The following TRIM21 variants were observed in gnomAD, a reference collection of about 807,000 sequenced individuals.
The protein encoded by TRIM21 is tripartite motif containing 21, also known as E3 ubiquitin-protein ligase TRIM21.
Under a neutral mutation model 36.1 loss-of-function variants are expected in TRIM21, and 35 were observed. The observed-to-expected ratio is 0.97, with a 90% confidence interval of 0.74 to 1.28. The LOEUF (loss-of-function observed/expected upper bound fraction) is 1.28, where lower values mean the gene tolerates loss of function less well. Among genes scored for constraint, TRIM21 ranks in the 50% most tolerant of loss-of-function variants. The pLI, the probability that TRIM21 is intolerant of heterozygous loss-of-function variation, is 0.00. For synonymous variants in TRIM21, 256 were observed against 211.5 expected, an observed-to-expected ratio of 1.21 and a Z score of -1.83; for missense variants, 635 against 570.7, an observed-to-expected ratio of 1.11 and a Z score of -1.15.
chr11:4,385,656 C>T lies in TRIM21; in HGVS notation c.1057G>A (p.Ala353Thr). 6.2e-7 allele frequency: 1 copy of T among 1,613,190 alleles called. No individual in the cohort carries two copies. Among genetic ancestry groups the T allele is most frequent in the Non-Finnish European group, 8.5e-7 (1 of 1,179,592 alleles). The part of the protein sequence containing the change: ...YWEVDVTGKE[A>T]WDLGVCRDSV... ...TCTCTGCAGACACCCAGGTCCCAGG[C>T]CTCCTTTCCTGTCACATCTACCTCC... The change falls in exon 7 of 7, where the codon GCC becomes ACC. Residue 353 changes from alanine to threonine, a missense_variant. Transcript: ENST00000254436.
chr11:4,390,276 T>G lies in TRIM21; in HGVS notation c.134A>C (p.Lys45Thr). 6.2e-7 allele frequency: 1 copy of G among 1,613,972 alleles called. No homozygotes were observed. Among genetic ancestry groups the G allele is most frequent in the East Asian group, 2.2e-5 (1 of 44,872 alleles). ...FCQECISQVGKGGGSVCPVCR... is the reference protein window; with the variant it reads ...FCQECISQVGTGGGSVCPVCR... Reference sequence around the variant, plus strand: ...CACAGGACAGACGCTGCCCCCACCTTTCCCAACCTGAGAGATGCATTCCTG... The same window carrying G: ...CACAGGACAGACGCTGCCCCCACCTGTCCCAACCTGAGAGATGCATTCCTG... The change falls in exon 2 of 7, where the codon AAA becomes ACA. Residue 45 changes from lysine to threonine, a missense_variant. Physicochemically the swap from Lys to Thr is moderately conservative, Grantham distance 78 (BLOSUM62 -1). Transcript: ENST00000254436.
At position 4,389,704 on chromosome 11, in the gene TRIM21, A is replaced by G. The variant is rs116087341; in HGVS notation, c.454T>C (p.Leu152=). 2,342 of 1,613,344 alleles carry G rather than the reference A, an allele frequency of 1.5e-3. 48 individuals are homozygous for G. The African/African-American group carries it at 0.028, about 19-fold the overall frequency. The change falls in exon 3 of 7, where the codon TTG becomes CTG. Residue 152 remains leucine, a synonymous_variant. Transcript: ENST00000254436. ...ATTTCCACTTCCAACTTCTCAGCCA[A>G]CTCCTGCTTTCTTCTCAGTTCCCCT... is the stretch of plus-strand genomic sequence containing the variant. The part of the protein sequence containing the change: ...ALGELRRKQE[L]AEKLEVEIAI...
Position 4,390,086 on chromosome 11 carries a change from C to T in TRIM21, c.324G>A (p.Lys108=). 1.2e-6 allele frequency: 2 copies of T among 1,614,020 alleles called. No individual in the cohort carries two copies. Among genetic ancestry groups the T allele is most frequent in the East Asian group, 2.2e-5 (1 of 44,878 alleles). ...ACTGGGCACATACCCAGCAAAGGGC[C>T]TTCCCATCTTTCTCACAGAACAGGT... ...RLHLFCEKDG[K]ALCWVCAQSR... is the part of the protein sequence containing the mutation. The change falls in exon 2 of 7, where the codon AAG becomes AAA. Residue 108 remains lysine (K), a synonymous_variant. Coordinates refer to ENST00000254436, the MANE Select transcript of TRIM21 (RefSeq NM_003141.4).
At position 4,388,470 on chromosome 11, in the gene TRIM21, G is replaced by A; in HGVS notation, c.565C>T (p.Leu189=). The A allele has an allele frequency of 6.2e-7, 1 of 1,613,316 alleles. No individual in the cohort carries two copies. Among genetic ancestry groups the A allele is most frequent in the Non-Finnish European group, 8.5e-7 (1 of 1,179,882 alleles). ...HAEFVQQKNF[L]VEEEQRQLQE... is the part of the protein sequence containing the mutation. ...AGCTGCCTCTGTTCTTCTTCAACCA[G>A]GAAGTTTTTTTGCTGCACAAACTCT... Residue 189 remains leucine, a synonymous_variant, in exon 4 of 7, where the codon CTG becomes TTG. Transcript: ENST00000254436.
intron 3 of TRIM21, 101 bp from the exon 4 acceptor site, chr11:4,388,631 T>A: frequency 2.7e-6 from 3 of 1,104,066 alleles, no homozygotes; most frequent in Non-Finnish European, 4.0e-6. Context: ...GAGACTCCAC[T>A]CTGTGCTGTC....
chr11:4,388,613 A>G (rs1292015718), intron 3 of TRIM21, 83 bp from the exon 4 acceptor site: 2 of 1,360,968 alleles, frequency 1.5e-6, no homozygotes, highest in East Asian at 2.3e-5. Flanking sequence ...ACCTATTCCT[A>G]TCCCCAAGAG....
At chr11:4,392,365 A>G (rs2094963967) in intron 1 of TRIM21, among the ~76,000 whole-genome samples, 1 of 152,124 alleles carries the variant, frequency 6.6e-6, no homozygotes, top group African/African-American at 2.4e-5. Context: ...TCAGGAGTTC[A>G]AGACCAGCCT....
In TRIM21 at chr11:4,388,146, G is replaced by A. The variant is rs149004015; in HGVS notation, c.735+154C>T. Among the ~76,000 whole-genome samples, 473 of 152,316 alleles carry A rather than the reference G, an allele frequency of 3.1e-3. 5 individuals carry two copies. Among genetic ancestry groups the A allele is most frequent in the African/African-American group, 0.011 (439 of 41,574 alleles). ...GTACTTATTTTCATCTTTACTTTGC[G>A]TCTTGAACGCGAACCTTTCATGGGT... is the stretch of plus-strand genomic sequence containing the variant. On this transcript the variant is annotated intron_variant, in intron 4 of 6. Transcript: ENST00000254436.
At chr11:4,386,064 T>A in intron 6 of TRIM21, 93 bp downstream of exon 6, 1 of 1,281,652 alleles carries the variant, frequency 7.8e-7, no homozygotes, top group Non-Finnish European at 1.1e-6. Context: ...TGCTCTGACC[T>A]GCCATCTCTC....
In TRIM21 at chr11:4,389,707, C is replaced by T. The variant is rs1218799840; in HGVS notation, c.451G>A (p.Glu151Lys). Residue 151 changes from glutamate (E) to lysine (K), a missense_variant, in exon 3 of 7, where the codon GAG becomes AAG. Glu to Lys is a moderately conservative substitution (Grantham distance 56, BLOSUM62 1). Coordinates refer to ENST00000254436, the MANE Select transcript of TRIM21 (RefSeq NM_003141.4). ...VALGELRRKQ[E>K]LAEKLEVEIA... ...TCCACTTCCAACTTCTCAGCCAACT[C>T]CTGCTTTCTTCTCAGTTCCCCTAAT... The T allele has an allele frequency of 6.2e-7, 1 of 1,613,876 alleles. No individual in the cohort carries two copies. The highest frequency in any genetic ancestry group is 1.3e-5 in the African/African-American group (1 of 74,924).
rs2094961206 is a variant in TRIM21 at position 4,390,102 on chromosome 11, C to A, written c.308G>T (p.Cys103Phe). Residue 103 changes from cysteine (C) to phenylalanine (F), a missense_variant, in exon 2 of 7, where the codon TGT (cysteine) becomes TTT (phenylalanine). By Grantham distance (205) the Cys-to-Phe change is radical. Transcript: ENST00000254436. ...AVHGERLHLF[C>F]EKDGKALCWV... ...GCAAAGGGCCTTCCCATCTTTCTCA[C>A]AGAACAGGTGAAGTCTCTCTCCATG... 21 of 1,614,020 alleles carry A rather than the reference C, an allele frequency of 1.3e-5. No homozygotes were observed. The highest frequency in any genetic ancestry group is 1.7e-5 in the Non-Finnish European group (20 of 1,179,898).
chr11:4,391,234 AAAT>A (rs200141010), intron 1 of TRIM21, among the ~76,000 whole-genome samples: 4,004 of 152,352 alleles, frequency 0.026, 82 homozygotes, highest in Non-Finnish European at 0.041. Flanking sequence ...ATAGGAAAAA[AAAT>A]AATAATCTGA....
chr11:4,389,946 T>C, intron 2 of TRIM21, 56 bp downstream of exon 2: 13 of 1,589,076 alleles, frequency 8.2e-6, no homozygotes, highest in Non-Finnish European at 1.1e-5. Flanking sequence ...GAGGTGGTCC[T>C]CTCCCATTCC....
rs1181998130 is a variant in TRIM21 at position 4,385,774 on chromosome 11, G to A, written c.939C>T (p.Asp313=). 1.2e-6 allele frequency: 2 copies of A among 1,613,458 alleles called. No homozygotes were observed. The highest frequency in any genetic ancestry group is 1.7e-5 in the Admixed American group (1 of 59,970). ...SEDRRQVRLG[D]TQQSIPGNEE... ...CATTTCCAGGTATGCTCTGCTGGGTGTCTCCAAGCCTCACTTGTCTCCGAT... is the reference window on the plus strand; with the variant it reads ...CATTTCCAGGTATGCTCTGCTGGGTATCTCCAAGCCTCACTTGTCTCCGAT... The change falls in exon 7 of 7, where the codon GAC becomes GAT. Residue 313 remains aspartate (D), a synonymous_variant. Transcript: ENST00000254436.
Position 4,386,956 on chromosome 11 carries a change from A to T in TRIM21, c.758+12T>A, listed in dbSNP as rs761110462. 3.2e-6 allele frequency: 5 copies of T among 1,581,526 alleles called. No individual in the cohort carries two copies. The highest frequency in any genetic ancestry group is 2.6e-6 in the Non-Finnish European group (3 of 1,162,354). ...GCTGGCCCCTCTTCTAACAAAGAAA[A>T]CTCCTCCTTACCTTTCCAGGACAAT... On this transcript the variant is annotated intron_variant, in intron 5 of 6. Coordinates refer to ENST00000254436, the MANE Select transcript of TRIM21 (RefSeq NM_003141.4).
chr11:4,386,738 C>T lies in TRIM21; in HGVS notation c.758+230G>A, dbSNP rs113923185. 3.1e-3 allele frequency among the ~76,000 whole-genome samples: 477 copies of T among 152,214 alleles called. 3 individuals are homozygous for T. Among genetic ancestry groups the T allele is most frequent in the African/African-American group, 0.011 (459 of 41,534 alleles). ...CCCAGGATTTCCCTGTTTGGCAGGACTTTACTGTGTGAAGATGTTATGATC... is the reference window on the plus strand; with the variant it reads ...CCCAGGATTTCCCTGTTTGGCAGGATTTTACTGTGTGAAGATGTTATGATC... On this transcript the variant is annotated intron_variant, in intron 5 of 6. Transcript: ENST00000254436.
Position 4,386,957 on chromosome 11 carries a change from C to T in TRIM21, c.758+11G>A. On this transcript the variant is annotated intron_variant, in intron 5 of 6. Coordinates refer to ENST00000254436, the MANE Select transcript of TRIM21 (RefSeq NM_003141.4). ...CTGGCCCCTCTTCTAACAAAGAAAA[C>T]TCCTCCTTACCTTTCCAGGACAATT... The T allele has an allele frequency of 1.3e-6, 2 of 1,582,464 alleles. No homozygotes were observed. Among genetic ancestry groups the T allele is most frequent in the Non-Finnish European group, 1.7e-6 (2 of 1,162,730 alleles).
Position 4,390,331 on chromosome 11 carries a change from C to G in TRIM21, c.79G>C (p.Val27Leu), listed in dbSNP as rs767066255. 3 of 1,613,980 alleles carry G rather than the reference C, an allele frequency of 1.9e-6. No homozygotes were observed. The highest frequency in any genetic ancestry group is 2.5e-6 in the Non-Finnish European group (3 of 1,179,884). Residue 27 changes from valine (V) to leucine (L), a missense_variant, in exon 2 of 7, where the codon GTG (valine) becomes CTG (leucine). By Grantham distance (32) the Val-to-Leu change is conservative (BLOSUM62 1). Transcript: ENST00000254436. ...PICLDPFVEP[V>L]SIECGHSFCQ... ...AAGCTGTGGCCACACTCGATGCTCACAGGCTCCACGAAGGGGTCCAGGCAG... is the reference window on the plus strand; with the variant it reads ...AAGCTGTGGCCACACTCGATGCTCAGAGGCTCCACGAAGGGGTCCAGGCAG...
In TRIM21 at chr11:4,385,288, A is replaced by G. The variant is rs2094954774; in HGVS notation, c.1425T>C (p.Tyr475=). ...TGGCAGTGTCCAGAGAAAGCCATCA[A>G]TAGTCAGTGGATCCTTGTGATCCAA... ...LNIGSQGSTD[Y] Residue 475 remains tyrosine (Y), a synonymous_variant, in exon 7 of 7, where the codon TAT becomes TAC. Coordinates refer to ENST00000254436, the MANE Select transcript of TRIM21 (RefSeq NM_003141.4). 6 of 1,609,760 alleles carry G rather than the reference A, an allele frequency of 3.7e-6. No homozygotes were observed. The highest frequency in any genetic ancestry group is 1.7e-5 in the Admixed American group (1 of 59,830).
Sources: allele counts gnomAD v4.1 joint callset (sites outside exome capture counted in the v4.1 genomes callset), GRCh38; gene constraint gnomAD v4.1.1; transcripts MANE v1.5; gene names NCBI Gene and HGNC (gene_info 2026-07-23, HGNC 2026-07-21).